FBXO16: variants seen among roughly 807,000 people sequenced by gnomAD.
FBXO16 encodes F-box protein 16, also known as F-box only protein 16.
FBXO16 carries 31 observed loss-of-function variants against 41.0 expected under a neutral mutation model. That is an observed-to-expected ratio of 0.76 (90% confidence interval 0.57 to 1.02). The LOEUF is 1.02. Among genes scored for constraint, FBXO16 ranks in the 50% least tolerant of loss-of-function variants. The pLI, the probability that FBXO16 is intolerant of heterozygous loss-of-function variation, is 0.00. For missense variants in FBXO16, 361 were observed against 346.2 expected (o/e 1.04, Z -0.34); for synonymous variants, 133 against 117.8 (o/e 1.13, Z -0.84).
At chr8:28,441,163 C>T (rs892720237) in intron 7 of FBXO16, among the ~76,000 whole-genome samples, 1 of 152,068 alleles carries the variant, frequency 6.6e-6, no homozygotes, top group Non-Finnish European at 1.5e-5. Flanking sequence ...ACTGTTCCCG[C>T]CTCTCTCCCC....
At chr8:28,460,252 T>A (rs1441443093) in intron 4 of FBXO16, among the ~76,000 whole-genome samples, 118 of 127,490 alleles carry the variant, frequency 9.3e-4, no homozygotes, top group African/African-American at 1.4e-3. Flanking sequence ...TATATTTTTT[T>A]TTTTTTTTTT....
chr8:28,452,602 ACCAGCCTGG>A, intron 5 of FBXO16, 126 bp from the exon 6 acceptor site: 1 of 802,718 alleles, frequency 1.2e-6, no homozygotes, highest in Non-Finnish European at 2.0e-6. Flanking sequence ...GAAGTTCGAG[ACCAGCCTGG>A]CCAACATGGT....
intron 7 of FBXO16, among the ~76,000 whole-genome samples, chr8:28,431,088 C>T (rs988419255): frequency 6.6e-6 from 1 of 152,178 alleles, no homozygotes; most frequent in Non-Finnish European, 1.5e-5. Flanking sequence ...AAATTTAACC[C>T]TATTACCATG....
chr8:28,445,536 G>T (rs948613075), intron 7 of FBXO16, among the ~76,000 whole-genome samples: 8 of 152,130 alleles, frequency 5.3e-5, no homozygotes. Flanking sequence ...TGGAAACCAG[G>T]CAGAAGCACG....
intron 5 of FBXO16, among the ~76,000 whole-genome samples, chr8:28,455,456 C>A (rs1354274238): frequency 1.3e-5 from 2 of 152,302 alleles, no homozygotes; most frequent in East Asian, 3.9e-4. Context: ...GAGCTGGTCT[C>A]AAACTCCTGG....
intron 3 of FBXO16, chr8:28,465,443 C>A (rs574574263): frequency 5.1e-5 from 23 of 449,732 alleles, no homozygotes; most frequent in South Asian, 3.3e-4. Context: ...AGCAACACCC[C>A]ATCTGCACAA....
intron 6 of FBXO16, among the ~76,000 whole-genome samples, chr8:28,450,715 C>T (rs753120507): frequency 1.1e-4 from 16 of 152,232 alleles, no homozygotes; most frequent in African/African-American, 1.9e-4. Flanking sequence ...CTTTCTTGTA[C>T]CTATGTGCTG....
In FBXO16 at chr8:28,483,115, G is replaced by C. The variant is rs78637101; in HGVS notation, c.99+233C>G. 4.3e-3 allele frequency among the ~76,000 whole-genome samples: 649 copies of C among 152,174 alleles called. 7 individuals are homozygous for C. The highest frequency in any genetic ancestry group is 0.015 in the African/African-American group (625 of 41,538). On this transcript the variant is annotated intron_variant, in intron 2 of 8. Transcript: ENST00000380254. Reference sequence around the variant, plus strand: ...GGGTGGGAGAGGAAGGTGACAGTGGGGGAAAGAACAAATCCAAGACATTTT... The same window carrying C: ...GGGTGGGAGAGGAAGGTGACAGTGGCGGAAAGAACAAATCCAAGACATTTT...
chr8:28,451,380 G>GTTTTTTTT (rs67171132), intron 6 of FBXO16, among the ~76,000 whole-genome samples: 1 of 138,734 alleles, frequency 7.2e-6, no homozygotes, highest in African/African-American at 2.6e-5. Context: ...CTTTGTTGTT[G>GTTTTTTTT]TTTTTTTTTT....
intron 5 of FBXO16, among the ~76,000 whole-genome samples, chr8:28,454,451 G>A (rs774986531): frequency 4.0e-5 from 6 of 151,480 alleles, no homozygotes; most frequent in African/African-American, 7.3e-5. Flanking sequence ...AATTCTGGCC[G>A]GGCGCGGTGG....
intron 4 of FBXO16, among the ~76,000 whole-genome samples, chr8:28,460,730 C>T (rs955192911): frequency 6.6e-6 from 1 of 151,564 alleles, no homozygotes; most frequent in Non-Finnish European, 1.5e-5. Context: ...GCCTGGCCGA[C>T]CTGACTAATT....
chr8:28,433,305 A>G (rs932310549), intron 7 of FBXO16, among the ~76,000 whole-genome samples: 1 of 152,230 alleles, frequency 6.6e-6, no homozygotes, highest in African/African-American at 2.4e-5. Context: ...TGCGTTTGAC[A>G]TTGGAATTCT....
intron 4 of FBXO16, among the ~76,000 whole-genome samples, chr8:28,463,400 GTA>G (rs1803175695): frequency 6.6e-6 from 1 of 151,686 alleles, no homozygotes; most frequent in Non-Finnish European, 1.5e-5. Context: ...GTGTTTGTAT[GTA>G]TTTGTGTGTG....
chr8:28,473,696 G>T lies in FBXO16; in HGVS notation c.135+76C>A. Reference sequence around the variant, plus strand: ...CTGTTATTTATAAGCCACCCAGTCTGATTTTTTAATAGCAGCCTGAAAGAT... The same window carrying T: ...CTGTTATTTATAAGCCACCCAGTCTTATTTTTTAATAGCAGCCTGAAAGAT... On this transcript the variant is annotated intron_variant, in intron 3 of 8. Transcript: ENST00000380254. 4 of 1,299,340 alleles carry T rather than the reference G, an allele frequency of 3.1e-6. No individual in the cohort carries two copies. The South Asian group carries it at 3.8e-5, about 12-fold the overall frequency. The allele number at this position is 1,299,340 out of a possible 1,614,324, so 80.5% of individuals were successfully genotyped here.
intron 4 of FBXO16, among the ~76,000 whole-genome samples, chr8:28,462,320 T>C (rs1231688788): frequency 1.3e-5 from 2 of 148,638 alleles, no homozygotes; most frequent in Non-Finnish European, 3.0e-5. Flanking sequence ...GCTCTGTCGC[T>C]CAGGCTGGAG....
At chr8:28,451,994 CAAAA>C (rs753582333) in intron 6 of FBXO16, among the ~76,000 whole-genome samples, 1 of 96,020 alleles carries the variant, frequency 1.0e-5, no homozygotes, top group Non-Finnish European at 2.2e-5. Context: ...GACTACGTCT[CAAAA>C]AAAAAAAAAA....
chr8:28,458,544 CTTTTTTTTTTTTTT>C (rs34617439), intron 4 of FBXO16, among the ~76,000 whole-genome samples: 1 of 87,608 alleles, frequency 1.1e-5, no homozygotes, highest in East Asian at 4.1e-4. Context: ...TCTTCTTCTT[CTTTTTTTTTTTTTT>C]TTTTTTTTTT....
At chr8:28,447,512 G>T in intron 6 of FBXO16, 1 of 461,260 alleles carries the variant, frequency 2.2e-6, no homozygotes, top group Non-Finnish European at 3.9e-6. Flanking sequence ...ATTCAACTGT[G>T]GAAGGATCTC....
intron 7 of FBXO16, among the ~76,000 whole-genome samples, chr8:28,442,508 C>A (rs1802796815): frequency 6.6e-6 from 1 of 152,030 alleles, no homozygotes; most frequent in South Asian, 2.1e-4. Context: ...CCCAGTCTCC[C>A]AAGTAGCTAA....
Sources: allele counts gnomAD v4.1 joint callset (sites outside exome capture counted in the v4.1 genomes callset), GRCh38; gene constraint gnomAD v4.1.1; transcripts MANE v1.5; gene names NCBI Gene and HGNC (gene_info 2026-07-23, HGNC 2026-07-21).